Variants in MEGF11 observed in about 807,000 individuals in gnomAD.
MEGF11 encodes multiple epidermal growth factor-like domains protein 11.
Under a neutral mutation model 146.6 loss-of-function variants are expected in MEGF11, and 126 were observed. That is an observed-to-expected ratio of 0.86 (90% CI 0.74 to 1.00). The LOEUF (loss-of-function observed/expected upper bound fraction) is 1.00. Ranked by LOEUF, MEGF11 falls within the 50% of genes least tolerant of loss-of-function variation. MEGF11 has a pLI of 0.00. For synonymous variants in MEGF11, 532 were observed against 583.4 expected, an observed-to-expected ratio of 0.91 and a Z score of 1.27; for missense variants, 1,509 against 1,521.2, an observed-to-expected ratio of 0.99 and a Z score of 0.13.
chr15:66,025,317 G>A (rs540407252), intron 5 of MEGF11, among the ~76,000 whole-genome samples: 195 of 152,020 alleles, frequency 1.3e-3, no homozygotes, highest in African/African-American at 4.3e-3. Flanking sequence ...ATTCCTGAGT[G>A]GGGGGGCTCC....
chr15:66,185,502 A>T lies in MEGF11; in HGVS notation c.-8-57091T>A, dbSNP rs998299276. 2.6e-5 allele frequency among the ~76,000 whole-genome samples: 4 copies of T among 152,120 alleles called. No homozygotes were observed. In the East Asian group the frequency reaches 7.7e-4, roughly 29 times the overall value. On this transcript the variant is annotated intron_variant, in intron 1 of 25. Coordinates refer to ENST00000395614, the MANE Select transcript of MEGF11 (RefSeq NM_001385028.1). Reference sequence around the variant, plus strand: ...CAAACTCTGGCAGTGCCTTAAGGGTAGGAAGATAAGTGTCAGAGGACAATC... The same window carrying T: ...CAAACTCTGGCAGTGCCTTAAGGGTTGGAAGATAAGTGTCAGAGGACAATC...
chr15:66,154,471 C>T (rs1022264916), intron 1 of MEGF11, among the ~76,000 whole-genome samples: 3 of 152,208 alleles, frequency 2.0e-5, no homozygotes, highest in Non-Finnish European at 4.4e-5. Flanking sequence ...GCTCAAATAC[C>T]CAATCCAGCA....
chr15:66,240,542 G>T (rs780637426), intron 1 of MEGF11, among the ~76,000 whole-genome samples: 1 of 152,226 alleles, frequency 6.6e-6, no homozygotes, highest in Non-Finnish European at 1.5e-5. Context: ...TGGCAAGTCA[G>T]ACATTCACTG....
intron 9 of MEGF11, among the ~76,000 whole-genome samples, chr15:65,963,039 C>T (rs1390577362): frequency 6.6e-6 from 1 of 152,184 alleles, no homozygotes; most frequent in Non-Finnish European, 1.5e-5. Context: ...GGCATGGTTG[C>T]CCAGGCACAG....
intron 5 of MEGF11, among the ~76,000 whole-genome samples, chr15:66,069,413 T>C (rs2085274386): frequency 1.3e-5 from 2 of 152,246 alleles, no homozygotes; most frequent in South Asian, 4.1e-4. Flanking sequence ...CTGAATACTT[T>C]GTCAAGGCAC....
At chr15:66,097,565 T>C (rs1411976701) in intron 4 of MEGF11, among the ~76,000 whole-genome samples, 1 of 152,048 alleles carries the variant, frequency 6.6e-6, no homozygotes. Flanking sequence ...TGCACATCCA[T>C]CTGCTGTCGT....
At chr15:66,163,828 C>T (rs1782988798) in intron 1 of MEGF11, among the ~76,000 whole-genome samples, 1 of 152,220 alleles carries the variant, frequency 6.6e-6, no homozygotes, top group Non-Finnish European at 1.5e-5. Context: ...CTCTGGGCCT[C>T]ACCTATAAAT....
At chr15:66,102,609 T>C (rs928974592) in intron 4 of MEGF11, among the ~76,000 whole-genome samples, 3 of 151,818 alleles carry the variant, frequency 2.0e-5, no homozygotes, top group African/African-American at 7.2e-5. Context: ...AAAGTTTTTT[T>C]TGTAGAAACA....
chr15:66,048,715 C>T (rs1030788666), intron 5 of MEGF11, among the ~76,000 whole-genome samples: 4 of 152,224 alleles, frequency 2.6e-5, no homozygotes, highest in Admixed American at 1.3e-4. Context: ...GCCTGGCCCT[C>T]TAAGGGTCCC....
chr15:66,081,773 T>G (rs1489848194), intron 5 of MEGF11, among the ~76,000 whole-genome samples: 1 of 152,192 alleles, frequency 6.6e-6, no homozygotes, highest in African/African-American at 2.4e-5. Flanking sequence ...CTTTCCTGTA[T>G]GTTAAGGCAC....
chr15:66,033,926 G>C (rs2083628747), intron 5 of MEGF11, among the ~76,000 whole-genome samples: 1 of 152,116 alleles, frequency 6.6e-6, no homozygotes, highest in South Asian at 2.1e-4. Flanking sequence ...CAGTAGCTGG[G>C]ATTACAGGCG....
chr15:66,151,541 A>G (rs1304313955), intron 1 of MEGF11, among the ~76,000 whole-genome samples: 2 of 152,098 alleles, frequency 1.3e-5, no homozygotes, highest in Non-Finnish European at 2.9e-5. Flanking sequence ...CAATCCCTAC[A>G]TCTCCTTCCA....
intron 1 of MEGF11, among the ~76,000 whole-genome samples, chr15:66,145,530 G>T (rs2089338174): frequency 6.6e-6 from 1 of 152,132 alleles, no homozygotes; most frequent in Non-Finnish European, 1.5e-5. Flanking sequence ...GAGGGAAGGT[G>T]CATAGACTAG....
intron 5 of MEGF11, among the ~76,000 whole-genome samples, chr15:66,058,001 G>C (rs892928466): frequency 6.6e-6 from 1 of 152,176 alleles, no homozygotes; most frequent in Non-Finnish European, 1.5e-5. Flanking sequence ...ATTTAGAAAT[G>C]ACATGGGGAA....
intron 5 of MEGF11, among the ~76,000 whole-genome samples, chr15:66,014,843 C>G (rs543557028): frequency 3.9e-5 from 6 of 152,264 alleles, no homozygotes; most frequent in Admixed American, 1.3e-4. Context: ...GACAGCCCTC[C>G]CCAGAGAAAA....
chr15:66,053,901 G>A (rs1272460087), intron 5 of MEGF11, among the ~76,000 whole-genome samples: 2 of 151,410 alleles, frequency 1.3e-5, no homozygotes, highest in South Asian at 2.1e-4. Context: ...GCTAATTTTT[G>A]TAGAGTCAGG....
intron 4 of MEGF11, among the ~76,000 whole-genome samples, chr15:66,098,640 G>T (rs912505231): frequency 2.0e-5 from 3 of 152,146 alleles, no homozygotes; most frequent in Non-Finnish European, 4.4e-5. Flanking sequence ...TCTCCCCAGT[G>T]CTCCAAGGCA....
chr15:66,047,308 G>A (rs1033344637), intron 5 of MEGF11, among the ~76,000 whole-genome samples: 2 of 152,162 alleles, frequency 1.3e-5, no homozygotes, highest in Admixed American at 6.5e-5. Context: ...CAGCTTTGGC[G>A]TTTCCTAGCT....
chr15:66,023,813 AGG>A (rs2083239905), intron 5 of MEGF11, among the ~76,000 whole-genome samples: 1 of 152,172 alleles, frequency 6.6e-6, no homozygotes, highest in South Asian at 2.1e-4. Flanking sequence ...TGCCAATCAC[AGG>A]GGATTAAAAC....
Sources: allele counts gnomAD v4.1 joint callset (sites outside exome capture counted in the v4.1 genomes callset), GRCh38; gene constraint gnomAD v4.1.1; transcripts MANE v1.5; gene names NCBI Gene and HGNC (gene_info 2026-07-23, HGNC 2026-07-21).